SERINC5: variants seen among roughly 807,000 people sequenced by gnomAD.
SERINC5 encodes the protein serine incorporator 5, also known as chromosome 5 open reading frame 12.
SERINC5 carries 41 observed loss-of-function variants against 63.1 expected under a neutral mutation model. The ratio of observed to expected loss-of-function variants is 0.65; its 90% CI spans 0.51 to 0.84. SERINC5 has a LOEUF of 0.84. Ranked by LOEUF, SERINC5 falls within the 40% of genes least tolerant of loss-of-function variation. The probability of loss-of-function intolerance (pLI) is 0.00; values close to 1 mark genes in which losing one functional copy is unlikely to be tolerated. For synonymous variants in SERINC5, 222 were observed against 215.2 expected (o/e 1.03, Z -0.28); for missense variants, 523 against 573.0 (o/e 0.91, Z 0.89).
At chr5:80,232,119 AAAAG>A (rs1014709938) in intron 1 of SERINC5, among the ~76,000 whole-genome samples, 4 of 127,758 alleles carry the variant, frequency 3.1e-5, no homozygotes, top group Non-Finnish European at 3.4e-5. Context: ...AAAAAAAAAA[AAAAG>A]GCCGGGCAAG....
At chr5:80,249,937 A>G (rs1044326211) in intron 1 of SERINC5, among the ~76,000 whole-genome samples, 39 of 152,206 alleles carry the variant, frequency 2.6e-4, no homozygotes, top group African/African-American at 9.4e-4. Context: ...ATTGTTCAAA[A>G]AAGTATCATC....
chr5:80,244,152 C>T (rs984171345), intron 1 of SERINC5, among the ~76,000 whole-genome samples: 1 of 151,936 alleles, frequency 6.6e-6, no homozygotes, highest in African/African-American at 2.4e-5. Context: ...GGCTTCAGTT[C>T]CTCAGCTCCC....
rs1745634823 is a variant in SERINC5 at position 80,143,525 on chromosome 5, A to G, written c.*138T>C. 4 of 1,371,608 alleles carry G rather than the reference A, an allele frequency of 2.9e-6. No homozygotes were observed. Among genetic ancestry groups the G allele is most frequent in the Non-Finnish European group, 1.9e-6 (2 of 1,065,394 alleles). 85.0% of individuals were successfully genotyped at this position (1,371,608 alleles called of 1,614,324 possible). On this transcript the variant is annotated 3_prime_UTR_variant, in exon 12 of 12. Transcript: ENST00000507668. Reference sequence around the variant, plus strand: ...TTTCAAAAGTAAAAAGCTAATCAGGAGATTTTTTTTTTTCTCTCTCAAAGC... The same window carrying G: ...TTTCAAAAGTAAAAAGCTAATCAGGGGATTTTTTTTTTTCTCTCTCAAAGC...
Position 80,256,020 on chromosome 5 carries a change from C to G in SERINC5, c.-98G>C. ...TCGAGCGCTGGGCTCAGCCGCAGCT[C>G]ACACTTGAACGAAGATCAGCCTCGG... On this transcript the variant is annotated 5_prime_UTR_variant, in exon 1 of 12. Coordinates refer to ENST00000507668, the MANE Select transcript of SERINC5 (RefSeq NM_001174072.3). 8.1e-7 allele frequency: 1 copy of G among 1,239,332 alleles called. No homozygotes were observed. Among genetic ancestry groups the G allele is most frequent in the Non-Finnish European group, 1.1e-6 (1 of 937,774 alleles). The allele number at this position is 1,239,332 out of a possible 1,614,324, so 76.8% of individuals were successfully genotyped here. A position where few individuals can be genotyped will look rare whatever the true frequency, so the allele number is the denominator to read the frequency against.
rs34195156 is a variant in SERINC5 at position 80,197,308 on chromosome 5, TGAGAGAGAGAGAGAGAGAGA to T, written c.195+5558_195+5577del. On this transcript the variant is annotated intron_variant, in intron 2 of 11. Coordinates refer to ENST00000507668, the MANE Select transcript of SERINC5 (RefSeq NM_001174072.3). ...GAGAGACAGAGCAAGACTCCATCTG[TGAGAGAGAGAGAGAGAGAGA>T]GAGAGAGAGAGAGAGAGAGAGAGAG... 7.0e-3 allele frequency among the ~76,000 whole-genome samples: 959 copies of T among 137,062 alleles called. 16 individuals are homozygous for T. The highest frequency in any genetic ancestry group is 0.024 in the African/African-American group (878 of 36,636). The allele number at this position is 137,062 out of a possible 152,430, so 89.9% of individuals were successfully genotyped here. A position where few individuals can be genotyped will look rare whatever the true frequency, so the allele number is the denominator to read the frequency against.
intron 11 of SERINC5, among the ~76,000 whole-genome samples, chr5:80,129,840 G>A (rs1034288111): frequency 3.3e-5 from 5 of 152,100 alleles, no homozygotes; most frequent in Non-Finnish European, 5.9e-5. Context: ...TTGGAATTGC[G>A]AGGTCAGAAG....
intron 1 of SERINC5, among the ~76,000 whole-genome samples, chr5:80,254,170 C>T (rs1456073426): frequency 1.3e-5 from 2 of 152,150 alleles, no homozygotes; most frequent in Non-Finnish European, 1.5e-5. Flanking sequence ...GTGATCCGCC[C>T]GCCTCTGCCT....
chr5:80,240,211 G>A (rs1385658063), intron 1 of SERINC5, among the ~76,000 whole-genome samples: 2 of 152,122 alleles, frequency 1.3e-5, no homozygotes, highest in Non-Finnish European at 2.9e-5. Flanking sequence ...AGCTCAACAA[G>A]TGCACTGAGT....
Position 80,142,681 on chromosome 5 carries a change from A to G in SERINC5, c.*982T>C, listed in dbSNP as rs1745582424. 4 of 985,326 alleles carry G rather than the reference A, an allele frequency of 4.1e-6. No homozygotes were observed. In the South Asian group the frequency reaches 1.9e-4, roughly 46 times the overall value. 61.0% of individuals were successfully genotyped at this position (985,326 alleles called of 1,614,324 possible). The stretch of plus-strand genomic sequence containing the variant: ...AAACGACTTCCGCTTTTACAGTTTC[A>G]AAGGCCTCAAGGTGGAGAAAAAACT... On this transcript the variant is annotated 3_prime_UTR_variant, in exon 12 of 12. Transcript: ENST00000507668.
At chr5:80,228,330 G>T (rs1751266727) in intron 1 of SERINC5, among the ~76,000 whole-genome samples, 1 of 149,542 alleles carries the variant, frequency 6.7e-6, no homozygotes, top group Admixed American at 6.7e-5. Context: ...AAGGAAGGAA[G>T]GAAAGAAAAA....
intron 1 of SERINC5, among the ~76,000 whole-genome samples, chr5:80,247,097 G>C (rs938367797): frequency 6.6e-6 from 1 of 152,114 alleles, no homozygotes; most frequent in Non-Finnish European, 1.5e-5. Flanking sequence ...AAAATAGCTT[G>C]GTCAAAGAAT....
chr5:80,199,201 C>G (rs1007760216), intron 2 of SERINC5, among the ~76,000 whole-genome samples: 5 of 152,204 alleles, frequency 3.3e-5, no homozygotes, highest in African/African-American at 1.2e-4. Flanking sequence ...TCTAGTCACA[C>G]AGCCTCGTAG....
chr5:80,217,324 T>A (rs1454190884), intron 1 of SERINC5, among the ~76,000 whole-genome samples: 1 of 152,206 alleles, frequency 6.6e-6, no homozygotes, highest in East Asian at 1.9e-4. Flanking sequence ...ATGGAGATTA[T>A]GCTGCAAGGG....
intron 11 of SERINC5, among the ~76,000 whole-genome samples, chr5:80,117,890 C>T (rs189074380): frequency 7.9e-5 from 12 of 151,864 alleles, no homozygotes; most frequent in Admixed American, 4.6e-4. Flanking sequence ...CTGTTTTCTC[C>T]TCAGTGTGTC....
chr5:80,243,708 C>A (rs1339258016), intron 1 of SERINC5, among the ~76,000 whole-genome samples: 1 of 151,248 alleles, frequency 6.6e-6, no homozygotes, highest in African/African-American at 2.4e-5. Context: ...GAGTTTGGGA[C>A]CAGCCTGGGC....
At chr5:80,175,086 C>T (rs747609841) in intron 4 of SERINC5, 39 bp from the exon 5 acceptor site, 21 of 1,430,070 alleles carry the variant, frequency 1.5e-5, no homozygotes, top group Non-Finnish European at 1.8e-5. Flanking sequence ...GGCAACCTTT[C>T]GTTGTATTTT....
rs188544132 is a variant in SERINC5 at position 80,154,905 on chromosome 5, T to C, written c.986+3931A>G. On this transcript the variant is annotated intron_variant, in intron 8 of 11. Coordinates refer to ENST00000507668, the MANE Select transcript of SERINC5 (RefSeq NM_001174072.3). ...TGTAATAATATAATTACGCAAGTCA[T>C]CCAGTTTATCTTTCTCCCTCAGGGG... is the stretch of plus-strand genomic sequence containing the variant. Among the ~76,000 whole-genome samples, 230 of 152,280 alleles carry C rather than the reference T, an allele frequency of 1.5e-3. 1 individual carries two copies. Among genetic ancestry groups the C allele is most frequent in the African/African-American group, 5.1e-3 (212 of 41,538 alleles).
intron 1 of SERINC5, among the ~76,000 whole-genome samples, chr5:80,226,159 G>A (rs1304369881): frequency 6.6e-6 from 1 of 152,074 alleles, no homozygotes; most frequent in Non-Finnish European, 1.5e-5. Context: ...CCCACTTCAA[G>A]CGATTCTCGT....
At chr5:80,159,744 G>A (rs1433534251) in intron 7 of SERINC5, among the ~76,000 whole-genome samples, 1 of 152,078 alleles carries the variant, frequency 6.6e-6, no homozygotes, top group Non-Finnish European at 1.5e-5. Context: ...TCATGCCTGT[G>A]TAATGAAGTC....
Sources: allele counts gnomAD v4.1 joint callset (sites outside exome capture counted in the v4.1 genomes callset), GRCh38; gene constraint gnomAD v4.1.1; transcripts MANE v1.5; gene names NCBI Gene and HGNC (gene_info 2026-07-23, HGNC 2026-07-21).